The following RALGDS variants were observed in gnomAD, a reference collection of about 807,000 sequenced individuals.
RALGDS encodes ral guanine nucleotide dissociation stimulator.
In RALGDS, 44 loss-of-function variants were observed where a neutral mutation model predicts 99.8. That is an observed-to-expected ratio of 0.44 (90% CI 0.35 to 0.57). The LOEUF (loss-of-function observed/expected upper bound fraction) is 0.57, where lower values mean the gene tolerates loss of function less well. Ranked by LOEUF, RALGDS falls within the 20% of genes least tolerant of loss-of-function variation. The pLI, the probability that RALGDS is intolerant of heterozygous loss-of-function variation, is 0.01. For synonymous variants in RALGDS, 529 were observed against 505.0 expected, an observed-to-expected ratio of 1.05 and a Z score of -0.64; for missense variants, 1,022 against 1,203.1, an observed-to-expected ratio of 0.85 and a Z score of 2.23.
At chr9:133,146,957 C>T (rs976729747) in intron 1 of RALGDS, among the ~76,000 whole-genome samples, 1 of 152,230 alleles carries the variant, frequency 6.6e-6, no homozygotes, top group African/African-American at 2.4e-5. Context: ...GTCCCAGCCT[C>T]CCTTGAGACC....
Position 133,106,702 on chromosome 9 carries a change from G to T in RALGDS, c.1460C>A (p.Ser487Tyr). 1.9e-6 allele frequency: 3 copies of T among 1,612,852 alleles called. No homozygotes were observed. The highest frequency in any genetic ancestry group is 2.2e-5 in the East Asian group (1 of 44,880). ...GTGGATGGAGTTGCTCTGCAGGGCA[G>T]AGAGGATGGCATACAGTGACGAGAA... ...KNFSSLYAIL[S>Y]ALQSNSIHRL... is the part of the protein sequence containing the mutation. The change falls in exon 8 of 18, where the codon TCT becomes TAT. Residue 487 changes from serine to tyrosine, a missense_variant. Ser to Tyr is a moderately radical substitution (Grantham distance 144). Coordinates refer to ENST00000372050, the MANE Select transcript of RALGDS (RefSeq NM_006266.4).
intron 1 of RALGDS, among the ~76,000 whole-genome samples, chr9:133,116,021 G>A (rs1407674093): frequency 6.6e-6 from 1 of 152,272 alleles, no homozygotes; most frequent in Non-Finnish European, 1.5e-5. Flanking sequence ...CATGCCCGAG[G>A]ACAGGAGCCG....
chr9:133,130,067 G>A (rs899717908), intron 1 of RALGDS, among the ~76,000 whole-genome samples: 2 of 152,140 alleles, frequency 1.3e-5, no homozygotes, highest in Non-Finnish European at 2.9e-5. Context: ...TGCCTCCCGG[G>A]TTCAAGCGAT....
intron 13 of RALGDS, 67 bp from the exon 14 acceptor site, chr9:133,102,638 C>T: frequency 1.3e-5 from 21 of 1,607,104 alleles, no homozygotes; most frequent in Non-Finnish European, 1.8e-5. Flanking sequence ...AGCACCTGCC[C>T]AGAAGCTGGA....
intron 1 of RALGDS, among the ~76,000 whole-genome samples, chr9:133,127,936 C>T (rs1487801266): frequency 2.0e-5 from 3 of 152,228 alleles, no homozygotes; most frequent in Admixed American, 6.5e-5. Flanking sequence ...CGGCCCTGGA[C>T]GGGGATGCAG....
chr9:133,130,111 A>G (rs1017689339), intron 1 of RALGDS, among the ~76,000 whole-genome samples: 1 of 152,160 alleles, frequency 6.6e-6, no homozygotes, highest in Non-Finnish European at 1.5e-5. Flanking sequence ...AGCTGGGACT[A>G]CAGGCGCATG....
At chr9:133,145,442 C>G (rs968419504) in intron 1 of RALGDS, among the ~76,000 whole-genome samples, 1 of 150,662 alleles carries the variant, frequency 6.6e-6, no homozygotes, top group African/African-American at 2.4e-5. Context: ...AGTGAATATC[C>G]ACCTTTGCTA....
At chr9:133,099,072 G>A (rs1830626517) in intron 17 of RALGDS, 3 of 380,588 alleles carry the variant, frequency 7.9e-6, no homozygotes, top group Non-Finnish European at 1.5e-5. Context: ...ACCTGGAACA[G>A]GCTTTCTAGA....
chr9:133,101,239 G>A, intron 16 of RALGDS: 2 of 1,306,780 alleles, frequency 1.5e-6, no homozygotes, highest in Non-Finnish European at 2.0e-6. Context: ...AGGGCTCAGG[G>A]CCTATGTGGC....
chr9:133,099,379 T>G (rs963756599), intron 17 of RALGDS: 15 of 153,608 alleles, frequency 9.8e-5, no homozygotes, highest in African/African-American at 3.4e-4. Context: ...GGGTCCCGCC[T>G]ACCCTGCCCA....
At chr9:133,103,034 C>A in intron 12 of RALGDS, 134 bp from the exon 13 acceptor site, 1 of 1,442,806 alleles carries the variant, frequency 6.9e-7, no homozygotes, top group Non-Finnish European at 9.5e-7. Flanking sequence ...CAAAGTTGGG[C>A]TCAGCCACTC....
At chr9:133,123,487 G>A (rs972511426), upstream of RALGDS, among the ~76,000 whole-genome samples, 1 of 152,178 alleles carries the variant, frequency 6.6e-6, no homozygotes, top group African/African-American at 2.4e-5. Flanking sequence ...ACCCCCCAAC[G>A]CGGCTGGCCT....
rs200365251 is a variant in RALGDS at position 133,104,344 on chromosome 9, A to G, written c.1603-13T>C. On this transcript the variant is annotated splice_polypyrimidine_tract_variant and intron_variant, in intron 9 of 17. Coordinates refer to ENST00000372050, the MANE Select transcript of RALGDS (RefSeq NM_006266.4). ...TGGAGGTGCCCTCCTGCCAGGGTAG[A>G]GGACAGGGTCAGCAAGGCCCTATCC... The G allele has an allele frequency of 1.2e-4, 196 of 1,608,096 alleles. No individual in the cohort carries two copies. In the African/African-American group the frequency reaches 2.2e-3, roughly 18 times the overall value.
At chr9:133,119,561 G>C (rs1355889436) in intron 1 of RALGDS, among the ~76,000 whole-genome samples, 3 of 152,142 alleles carry the variant, frequency 2.0e-5, no homozygotes, top group Non-Finnish European at 4.4e-5. Flanking sequence ...GACGGAGAGA[G>C]GGAACCTGCA....
intron 5 of RALGDS, 44 bp downstream of exon 5, chr9:133,108,629 C>A (rs369052555): frequency 7.4e-5 from 119 of 1,607,242 alleles, no homozygotes; most frequent in Non-Finnish European, 9.6e-5. Flanking sequence ...CCAGCACCGA[C>A]CCCTCCTCAT....
At chr9:133,101,840 C>T (rs1209574193) in intron 15 of RALGDS, 78 bp from the exon 16 acceptor site, 2 of 1,552,798 alleles carry the variant, frequency 1.3e-6, no homozygotes, top group African/African-American at 2.7e-5. Flanking sequence ...GGGGAACCTT[C>T]TAGAAGCTGT....
intron 1 of RALGDS, among the ~76,000 whole-genome samples, chr9:133,114,731 G>A (rs1278799262): frequency 1.3e-5 from 2 of 152,232 alleles, no homozygotes; most frequent in African/African-American, 4.8e-5. Flanking sequence ...CTGCTAGGAG[G>A]AGAAAAGAAC....
rs1164678242 is a variant in RALGDS, at chr9:133,109,851, AG to A, written c.489-131del. Reference sequence around the variant, plus strand: ...GCCTAGAAAAGGGCCAGCACACAGTAGGTGCTTCATATATATTTGTTCAATG... The same window carrying A: ...GCCTAGAAAAGGGCCAGCACACAGTAGTGCTTCATATATATTTGTTCAATG... On this transcript the variant is annotated intron_variant, in intron 3 of 17. Coordinates refer to ENST00000372050, the MANE Select transcript of RALGDS (RefSeq NM_006266.4). 2.3e-5 allele frequency: 17 copies of A among 732,568 alleles called. No homozygotes were observed. The African/African-American group carries it at 3.0e-4, about 13-fold the overall frequency. The allele number at this position is 732,568 out of a possible 1,614,324, so 45.4% of individuals were successfully genotyped here.
At position 133,102,826 on chromosome 9, in the gene RALGDS, T is replaced by C. The variant is rs1165536199; in HGVS notation, c.1866A>G (p.Gln622=). The C allele has an allele frequency of 6.2e-6, 10 of 1,613,640 alleles. No individual in the cohort carries two copies. The highest frequency in any genetic ancestry group is 7.6e-6 in the Non-Finnish European group (9 of 1,179,984). Residue 622 remains glutamine, a synonymous_variant, in exon 13 of 18, where the codon CAA becomes CAG. Transcript: ENST00000372050. The part of the protein sequence containing the change: ...CNNYSIAPDE[Q]FGAWFRAVER... ...CCACGGCCCGGAACCAGGCCCCAAA[T>C]TGCTCATCTGGCGCGATGCTGTAGT...
Sources: gnomAD v4.1 joint callset for allele counts (sites outside exome capture counted in the v4.1 genomes callset) on GRCh38, gnomAD v4.1.1 for gene constraint, MANE v1.5 for transcripts, NCBI Gene and HGNC (gene_info 2026-07-23, HGNC 2026-07-21) for gene names.